Variants in ANO2 observed in about 807,000 individuals in gnomAD.
The protein encoded by ANO2 is anoctamin-2.
A neutral mutation model predicts 124.2 loss-of-function variants in ANO2; 101 were observed. That is an observed-to-expected ratio of 0.81 (90% CI 0.69 to 0.96). The LOEUF (loss-of-function observed/expected upper bound fraction) is 0.96, where lower values mean the gene tolerates loss of function less well. Ranked by LOEUF, ANO2 falls within the 40% of genes least tolerant of loss-of-function variation. The pLI is 0.00. For missense variants in ANO2, 1,293 were observed against 1,274.5 expected, an observed-to-expected ratio of 1.01 and a Z score of -0.22; for synonymous variants, 486 against 482.5, an observed-to-expected ratio of 1.01 and a Z score of -0.09.
chr12:5,760,121 T>A (rs932874099), intron 10 of ANO2, among the ~76,000 whole-genome samples: 2 of 152,236 alleles, frequency 1.3e-5, no homozygotes, highest in Non-Finnish European at 2.9e-5. Context: ...CATTTCTTTC[T>A]GTATTTTAAA....
chr12:5,565,708 A>G (rs1317829908), intron 23 of ANO2, 45 bp from the exon 24 acceptor site: 2 of 1,481,306 alleles, frequency 1.4e-6, no homozygotes, highest in Non-Finnish European at 1.8e-6. Context: ...GCGCATGGAG[A>G]AAAGGGTGGT....
intron 1 of ANO2, among the ~76,000 whole-genome samples, chr12:5,924,072 A>C (rs1272016700): frequency 6.6e-6 from 1 of 152,218 alleles, no homozygotes; most frequent in South Asian, 2.1e-4. Flanking sequence ...TTTGCATTTT[A>C]ACCTCCAAGT....
rs544416192 is a variant in ANO2 at position 5,585,954 on chromosome 12, T to A, written c.2234-7436A>T. 2.6e-5 allele frequency among the ~76,000 whole-genome samples: 4 copies of A among 152,252 alleles called. No homozygotes were observed. In the East Asian group the frequency reaches 7.7e-4, roughly 29 times the overall value. On this transcript the variant is annotated intron_variant, in intron 20 of 24. Transcript: ENST00000682330. The stretch of plus-strand genomic sequence containing the variant: ...AGCACAGAAAAGAGGACAAAACAAG[T>A]AAGAAAACTCGGGGAACCACAATGC...
At chr12:5,740,130 C>A (rs1008882924) in intron 12 of ANO2, 1 of 386,316 alleles carries the variant, frequency 2.6e-6, no homozygotes, top group Non-Finnish European at 5.2e-6. Context: ...CCCACGAGCA[C>A]AACCCTACAG....
At chr12:5,584,822 G>A (rs1376415578) in intron 20 of ANO2, among the ~76,000 whole-genome samples, 2 of 152,166 alleles carry the variant, frequency 1.3e-5, no homozygotes, top group Admixed American at 6.5e-5. Flanking sequence ...TTAGAAAAAT[G>A]GTGAAGCCTT....
chr12:5,777,247 G>T (rs1032926910), intron 10 of ANO2, among the ~76,000 whole-genome samples: 1 of 152,192 alleles, frequency 6.6e-6, no homozygotes, highest in African/African-American at 2.4e-5. Context: ...CAGATGACAA[G>T]AAGAAATGAT....
At chr12:5,582,837 T>G (rs909150086) in intron 20 of ANO2, among the ~76,000 whole-genome samples, 4 of 152,170 alleles carry the variant, frequency 2.6e-5, no homozygotes, top group Non-Finnish European at 5.9e-5. Flanking sequence ...CTGAGTAGGA[T>G]GCTATTCATC....
chr12:5,869,467 G>A (rs12312918), intron 3 of ANO2, among the ~76,000 whole-genome samples: 3,050 of 152,238 alleles, frequency 0.02, 115 homozygotes, highest in African/African-American at 0.07. Flanking sequence ...CAATAAAAAT[G>A]AGGGTGGGCA....
chr12:5,706,232 A>G (rs1316564001), intron 14 of ANO2, among the ~76,000 whole-genome samples: 4 of 152,192 alleles, frequency 2.6e-5, no homozygotes, highest in Admixed American at 6.5e-5. Context: ...ATGTTTCTGT[A>G]TAAAACTCTG....
At chr12:5,672,923 C>T (rs1037953954) in intron 14 of ANO2, among the ~76,000 whole-genome samples, 6 of 152,228 alleles carry the variant, frequency 3.9e-5, no homozygotes, top group South Asian at 2.1e-4. Flanking sequence ...GCCCTTCCCA[C>T]GAATTAAATT....
intron 3 of ANO2, among the ~76,000 whole-genome samples, chr12:5,888,601 T>C (rs898051387): frequency 6.6e-6 from 1 of 152,162 alleles, no homozygotes; most frequent in African/African-American, 2.4e-5. Context: ...CCCCACTAGA[T>C]TAGCTAGACA....
At position 5,750,905 on chromosome 12, in the gene ANO2, A is replaced by G. The variant is rs1263893912; in HGVS notation, c.1121T>C (p.Ile374Thr). 6.2e-7 allele frequency: 1 copy of G among 1,611,740 alleles called. No individual in the cohort carries two copies. The highest frequency in any genetic ancestry group is 8.5e-7 in the Non-Finnish European group (1 of 1,178,772). ...AWLGLYTSFL[I>T]PSSVIGVIVF... The stretch of plus-strand genomic sequence containing the variant: ...AATCACTCCAATTACAGAAGATGGG[A>G]TGAGGAATGATGTATATAATCCCAG... The change falls in exon 11 of 25, where the codon ATC (isoleucine) becomes ACC (threonine). Residue 374 changes from isoleucine to threonine, a missense_variant. By Grantham distance (89) the Ile-to-Thr change is moderately conservative (BLOSUM62 -1). Coordinates refer to ENST00000682330, the MANE Select transcript of ANO2 (RefSeq NM_001364791.2).
intron 14 of ANO2, among the ~76,000 whole-genome samples, chr12:5,669,035 T>C (rs2136984417): frequency 6.6e-6 from 1 of 151,788 alleles, no homozygotes; most frequent in East Asian, 1.9e-4. Context: ...ACAAGCTCTT[T>C]TTTTAGTACC....
At chr12:5,818,807 A>G (rs1591653232) in intron 7 of ANO2, among the ~76,000 whole-genome samples, 1 of 152,144 alleles carries the variant, frequency 6.6e-6, no homozygotes, top group Admixed American at 6.5e-5. Flanking sequence ...GACTCTGTAC[A>G]TAATACCTTT....
At position 5,900,964 on chromosome 12, in the gene ANO2, G is replaced by T. The variant is rs756126856; in HGVS notation, c.534+20076C>A. 1.3e-5 allele frequency among the ~76,000 whole-genome samples: 2 copies of T among 152,152 alleles called. No homozygotes were observed. Among genetic ancestry groups the T allele is most frequent in the African/African-American group, 4.8e-5 (2 of 41,418 alleles). ...GCTTTTTGTATTCATCAATTCAGAC[G>T]TTCTCCTGGGGAGGGCCTTGACTTC... On this transcript the variant is annotated intron_variant, in intron 3 of 24. Coordinates refer to ENST00000682330, the MANE Select transcript of ANO2 (RefSeq NM_001364791.2). The surrounding 1 kb of genome is among the most constrained non-coding windows in gnomAD (Gnocchi z 4.2).
intron 7 of ANO2, among the ~76,000 whole-genome samples, chr12:5,826,175 G>A (rs1953947468): frequency 1.3e-5 from 2 of 152,174 alleles, no homozygotes; most frequent in Non-Finnish European, 2.9e-5. Flanking sequence ...GATTGGGGAT[G>A]AGTGCATTTC....
At chr12:5,720,587 C>T (rs1258426181) in intron 14 of ANO2, among the ~76,000 whole-genome samples, 1 of 152,250 alleles carries the variant, frequency 6.6e-6, no homozygotes, top group African/African-American at 2.4e-5. Context: ...GTGCTGGCCT[C>T]TCCTAGCAAC....
intron 14 of ANO2, among the ~76,000 whole-genome samples, chr12:5,668,574 G>A (rs1241782678): frequency 1.3e-5 from 2 of 151,982 alleles, no homozygotes; most frequent in Admixed American, 6.6e-5. Context: ...GTCAATTTTC[G>A]CTTTTGTTGA....
In ANO2 at chr12:5,945,146, C is replaced by T. The variant is rs146730494; in HGVS notation, c.22+50G>A. 8.6e-4 allele frequency: 1,095 copies of T among 1,276,354 alleles called. 25 individuals carry two copies. In the East Asian group the frequency reaches 0.035, roughly 41 times the overall value. 79.1% of individuals were successfully genotyped at this position (1,276,354 alleles called of 1,614,324 possible). A position where few individuals can be genotyped will look rare whatever the true frequency, so the allele number is the denominator to read the frequency against. ...CGGATGCCGCCTCCTTCACTCCCTC[C>T]CTCCTACCACCTGTAGGAGACCAGG... On this transcript the variant is annotated intron_variant, in intron 1 of 24. Transcript: ENST00000682330.
Sources: gnomAD v4.1 joint callset for allele counts (sites outside exome capture counted in the v4.1 genomes callset) on GRCh38, gnomAD v4.1.1 for gene constraint, Gnocchi (gnomAD v3.1) non-coding constraint, MANE v1.5 for transcripts, NCBI Gene and HGNC (gene_info 2026-07-23, HGNC 2026-07-21) for gene names.